The following LIFR variants were observed in gnomAD, a reference collection of about 807,000 sequenced individuals.
LIFR encodes the protein LIF receptor subunit alpha.
LIFR carries 84 observed loss-of-function variants against 122.2 expected under a neutral mutation model. That is an observed-to-expected ratio of 0.69 (90% confidence interval 0.58 to 0.82). The LOEUF is 0.82. Among genes scored for constraint, LIFR ranks in the 40% least tolerant of loss-of-function variants. The pLI is 0.00. For synonymous variants in LIFR, 422 were observed against 434.7 expected, an observed-to-expected ratio of 0.97 and a Z score of 0.36; for missense variants, 1,294 against 1,311.6, an observed-to-expected ratio of 0.99 and a Z score of 0.21.
chr5:38,578,134 A>C (rs75450612), intron 1 of LIFR, among the ~76,000 whole-genome samples: 1,868 of 152,016 alleles, frequency 0.012, 46 homozygotes, highest in African/African-American at 0.043. Context: ...GGCCCATTAA[A>C]TCAGAATCTC....
intron 1 of LIFR, among the ~76,000 whole-genome samples, chr5:38,574,447 TCCCA>T (rs1749317958): frequency 6.6e-6 from 1 of 152,194 alleles, no homozygotes; most frequent in Non-Finnish European, 1.5e-5. Context: ...GGGTATTCCT[TCCCA>T]GTAAAATCAA....
At chr5:38,590,309 C>T (rs1190926024) in intron 1 of LIFR, among the ~76,000 whole-genome samples, 1 of 152,072 alleles carries the variant, frequency 6.6e-6, no homozygotes, top group Non-Finnish European at 1.5e-5. Flanking sequence ...ACCATACAAG[C>T]ATGGGGGGAA....
intron 1 of LIFR, among the ~76,000 whole-genome samples, chr5:38,591,989 G>A (rs1032305714): frequency 3.5e-4 from 53 of 152,164 alleles, no homozygotes; most frequent in African/African-American, 1.3e-3. Flanking sequence ...TGGTGGCACA[G>A]ACATGCTTAC....
At chr5:38,544,356 A>G (rs1038193028) in intron 1 of LIFR, among the ~76,000 whole-genome samples, 5 of 151,952 alleles carry the variant, frequency 3.3e-5, no homozygotes, top group African/African-American at 9.7e-5. Flanking sequence ...CTCTTCACAT[A>G]CACGTCTCTC....
rs574908364 is a variant in LIFR at position 38,530,286 on chromosome 5, T to G, written c.142+220A>C. 6.6e-5 allele frequency among the ~76,000 whole-genome samples: 10 copies of G among 152,338 alleles called. No individual in the cohort carries two copies. In the East Asian group the frequency reaches 1.7e-3, roughly 26 times the overall value. On this transcript the variant is annotated intron_variant, in intron 2 of 19. Transcript: ENST00000453190. ...TCTTAAAAAGGCAAATTTTATTGTA[T>G]GTAAATTATATTTTAATTTTTCATG...
Position 38,496,367 on chromosome 5 carries a change from A to ATAT in LIFR, c.1885+14_1885+15insATA. 1 of 1,585,752 alleles carries ATAT rather than the reference A, an allele frequency of 6.3e-7. No individual in the cohort carries two copies. On this transcript the variant is annotated intron_variant, in intron 13 of 19. Transcript: ENST00000453190. ...GTTTCCCGTTCTTATATACTAAATC[A>ATAT]TCTCAAGCACTCACCATTTGGAATT...
In LIFR at chr5:38,527,364, A is replaced by T. The variant is rs929387552; in HGVS notation, c.258-70T>A. ...TATAATTTTCATAAAAATTTGGTTA[A>T]CACAAAATACAATGGAAAATACTTT... On this transcript the variant is annotated intron_variant, in intron 3 of 19. Coordinates refer to ENST00000453190, the MANE Select transcript of LIFR (RefSeq NM_001127671.2). 4 of 987,640 alleles carry T rather than the reference A, an allele frequency of 4.1e-6. No homozygotes were observed. In the African/African-American group the frequency reaches 6.5e-5, roughly 16 times the overall value. 61.2% of individuals were successfully genotyped at this position (987,640 alleles called of 1,614,324 possible). A position where few individuals can be genotyped will look rare whatever the true frequency, so the allele number is the denominator to read the frequency against.
Position 38,530,741 on chromosome 5 carries a change from T to G in LIFR, c.-19-75A>C, listed in dbSNP as rs1048943932. On this transcript the variant is annotated intron_variant, in intron 1 of 19. Coordinates refer to ENST00000453190, the MANE Select transcript of LIFR (RefSeq NM_001127671.2). The stretch of plus-strand genomic sequence containing the variant: ...CACCTTATACTGTGCACACAAACAC[T>G]CAAATAGATTCTGACAGATTCTGAA... 27 of 1,224,450 alleles carry G rather than the reference T, an allele frequency of 2.2e-5. No individual in the cohort carries two copies. The African/African-American group carries it at 4.0e-4, about 18-fold the overall frequency. The allele number at this position is 1,224,450 out of a possible 1,614,324, so 75.8% of individuals were successfully genotyped here.
intron 2 of LIFR, among the ~76,000 whole-genome samples, chr5:38,529,208 C>G (rs1746868280): frequency 1.3e-5 from 2 of 151,860 alleles, no homozygotes; most frequent in African/African-American, 4.8e-5. Context: ...ATAATGGGAC[C>G]AAGAGAGGGC....
At chr5:38,539,386 T>C (rs192640112) in intron 1 of LIFR, among the ~76,000 whole-genome samples, 2 of 152,268 alleles carry the variant, frequency 1.3e-5, no homozygotes, top group Admixed American at 1.3e-4. Flanking sequence ...CTCCCTTCCT[T>C]CCACCCTCTT....
intron 1 of LIFR, among the ~76,000 whole-genome samples, chr5:38,536,761 A>T (rs1241929251): frequency 6.6e-6 from 1 of 152,196 alleles, no homozygotes; most frequent in African/African-American, 2.4e-5. Flanking sequence ...CAGTCTGGGG[A>T]CCTGAGTTAG....
chr5:38,553,634 A>AT (rs1445172719), intron 1 of LIFR, among the ~76,000 whole-genome samples: 4 of 68,588 alleles, frequency 5.8e-5, no homozygotes, highest in African/African-American at 3.5e-4. Context: ...ATATATATAT[A>AT]TATATATATA....
intron 1 of LIFR, chr5:38,555,062 T>A (rs1198454391): frequency 6.6e-6 from 1 of 152,178 alleles, no homozygotes; most frequent in Non-Finnish European, 1.5e-5. Flanking sequence ...GCTGCTCCGA[T>A]CACCTTGGGA....
chr5:38,607,197 C>T (rs1267161632), intron 1 of LIFR, among the ~76,000 whole-genome samples: 1 of 152,134 alleles, frequency 6.6e-6, no homozygotes, highest in African/African-American at 2.4e-5. Context: ...TTAGAATCGT[C>T]TTATATTTGT....
chr5:38,540,716 GT>G (rs974077835), intron 1 of LIFR, among the ~76,000 whole-genome samples: 2 of 151,468 alleles, frequency 1.3e-5, no homozygotes, highest in East Asian at 1.9e-4. Context: ...TGCTTTTTTA[GT>G]TTTTTTTATT....
At chr5:38,571,208 A>G (rs1425842348) in intron 1 of LIFR, among the ~76,000 whole-genome samples, 1 of 152,184 alleles carries the variant, frequency 6.6e-6, no homozygotes, top group African/African-American at 2.4e-5. Flanking sequence ...GCTGCTATAT[A>G]CAACCAGTTA....
intron 5 of LIFR, among the ~76,000 whole-genome samples, chr5:38,519,608 G>A (rs1387730261): frequency 4.6e-5 from 7 of 151,946 alleles, no homozygotes; most frequent in South Asian, 2.1e-4. Context: ...TTCCTGCCCC[G>A]TCCCACCAAC....
At chr5:38,592,932 T>C in intron 1 of LIFR, among the ~76,000 whole-genome samples, 1 of 151,524 alleles carries the variant, frequency 6.6e-6, no homozygotes, top group African/African-American at 2.4e-5. Flanking sequence ...CAGCTGGGCG[T>C]GGTGGCTCAC....
At chr5:38,528,869 C>G in intron 2 of LIFR, 29 bp from the exon 3 acceptor site, 1 of 568,952 alleles carries the variant, frequency 1.8e-6, no homozygotes, top group Non-Finnish European at 2.6e-6. Context: ...CACACACACA[C>G]ACACACACAG....
Sources: allele counts gnomAD v4.1 joint callset (sites outside exome capture counted in the v4.1 genomes callset), GRCh38; gene constraint gnomAD v4.1.1; transcripts MANE v1.5; gene names NCBI Gene and HGNC (gene_info 2026-07-23, HGNC 2026-07-21).